The following AQP7B variants were observed in gnomAD, a reference collection of about 807,000 sequenced individuals.
AQP7B encodes the protein aquaporin 7B, also known as putative aquaporin-7B.
chr2:94,603,463 C>T, the AQP7B span: 1 of 1,611,924 alleles, frequency 6.2e-7, no homozygotes, highest in Non-Finnish European at 8.5e-7. Context: ...CACCTACCTT[C>T]CTGATCACAT....
chr2:94,603,025 T>A, the AQP7B span: 11 of 1,593,404 alleles, frequency 6.9e-6, no homozygotes, highest in Middle Eastern at 3.6e-4. Context: ...CACACTTGCC[T>A]GCTGCCCGCA....
chr2:94,603,163 G>C, the AQP7B span: 1 of 1,518,220 alleles, frequency 6.6e-7, no homozygotes, highest in East Asian at 2.3e-5. Context: ...ACCATCTACA[G>C]TCTCTTCTAC....
At chr2:94,595,002 A>G in the AQP7B span, 58 of 568,100 alleles carry the variant, frequency 1.0e-4, no homozygotes, top group Non-Finnish European at 1.7e-4. Context: ...GGAAGCAGTG[A>G]GGAAAGTAAG....
the AQP7B span, chr2:94,594,789 G>T: frequency 1.5e-5 from 23 of 1,577,268 alleles, no homozygotes; most frequent in Non-Finnish European, 2.0e-5. Context: ...TGATAGCAAA[G>T]ATCCAGGAAA....
At chr2:94,590,944 C>CAAAAAAAAAAAAAAA in the AQP7B span, among the ~76,000 whole-genome samples, 9 of 49,044 alleles carry the variant, frequency 1.8e-4, no homozygotes, top group Admixed American at 2.3e-4. Flanking sequence ...GACCCTGTCT[C>CAAAAAAAAAAAAAAA]AAAAAAAAAA....
chr2:94,595,458 AAGAG>A, the AQP7B span, among the ~76,000 whole-genome samples: 2 of 152,008 alleles, frequency 1.3e-5, no homozygotes, highest in East Asian at 1.9e-4. Flanking sequence ...AAGAAAAAAA[AAGAG>A]AGAGAGATTG....
chr2:94,587,884 A>G, the AQP7B span, among the ~76,000 whole-genome samples: 7 of 152,170 alleles, frequency 4.6e-5, no homozygotes, highest in East Asian at 7.8e-4. Context: ...GCTGGAGATA[A>G]GAGTCTGTGC....
At chr2:94,588,062 C>CTGTGTGTG in the AQP7B span, among the ~76,000 whole-genome samples, 9 of 148,564 alleles carry the variant, frequency 6.1e-5, no homozygotes, top group African/African-American at 1.7e-4. Flanking sequence ...TGTTCACCTT[C>CTGTGTGTG]TGTGTGTGTG....
the AQP7B span, among the ~76,000 whole-genome samples, chr2:94,592,273 C>T: frequency 6.6e-6 from 1 of 152,174 alleles, no homozygotes; most frequent in Admixed American, 6.5e-5. Context: ...TTCCCCTGAC[C>T]TCGCAGCAGC....
the AQP7B span, chr2:94,602,631 G>T: frequency 6.3e-7 from 1 of 1,580,198 alleles, no homozygotes; most frequent in Non-Finnish European, 8.7e-7. Flanking sequence ...TGAGCCCAGG[G>T]CCTACCAGAC....
At chr2:94,596,658 C>G in the AQP7B span, among the ~76,000 whole-genome samples, 3 of 152,138 alleles carry the variant, frequency 2.0e-5, no homozygotes, top group African/African-American at 7.2e-5. Context: ...CTGTTATCTT[C>G]TAGCTGTGCG....
chr2:94,588,453 G>C, the AQP7B span: 8 of 609,858 alleles, frequency 1.3e-5, no homozygotes, highest in South Asian at 9.6e-5. Context: ...GTGGGGCCAA[G>C]TTCTGTGTCC....
the AQP7B span, among the ~76,000 whole-genome samples, chr2:94,601,877 C>T: frequency 6.6e-6 from 1 of 152,188 alleles, no homozygotes; most frequent in South Asian, 2.1e-4. Flanking sequence ...AGGCCCCTTC[C>T]CCTGTGAAGG....
chr2:94,591,481 C>T, the AQP7B span, among the ~76,000 whole-genome samples: 1 of 152,198 alleles, frequency 6.6e-6, no homozygotes, highest in South Asian at 2.1e-4. Flanking sequence ...CTCCACCCAT[C>T]TGTGGAGAAG....
At chr2:94,592,398 A>T in the AQP7B span, among the ~76,000 whole-genome samples, 3 of 152,126 alleles carry the variant, frequency 2.0e-5, no homozygotes, top group African/African-American at 4.8e-5. Context: ...TGTATTCCTT[A>T]CCCCAGAGAA....
At chr2:94,603,365 T>TA in the AQP7B span, 1 of 1,594,202 alleles carries the variant, frequency 6.3e-7, no homozygotes. Flanking sequence ...GTTCGCATGA[T>TA]AGTCTGTGTC....
At chr2:94,604,482 C>G in the AQP7B span, 1 of 1,610,994 alleles carries the variant, frequency 6.2e-7, no homozygotes, top group Middle Eastern at 2.3e-4. Flanking sequence ...ATGATCTCTC[C>G]CCTCACCCTC....
chr2:94,604,118 A>G, the AQP7B span, among the ~76,000 whole-genome samples: 848 of 152,254 alleles, frequency 5.6e-3, 10 homozygotes, highest in African/African-American at 0.019. Context: ...TGCACTGAGT[A>G]TCAACCCTGT....
chr2:94,602,433 C>G, the AQP7B span: 2 of 1,531,302 alleles, frequency 1.3e-6, no homozygotes, highest in Non-Finnish European at 1.8e-6. Flanking sequence ...GAGCTCTGAG[C>G]CCTCCTCTGA....
Sources: allele counts gnomAD v4.1 joint callset (sites outside exome capture counted in the v4.1 genomes callset), GRCh38; gene constraint gnomAD v4.1.1; transcripts MANE v1.5; gene names NCBI Gene and HGNC (gene_info 2026-07-23, HGNC 2026-07-21).